HSPG2: variants seen among roughly 807,000 people sequenced by gnomAD.
HSPG2 encodes heparan sulfate proteoglycan 2, also known as basement membrane-specific heparan sulfate proteoglycan core protein.
In HSPG2, 278 loss-of-function variants were observed where a neutral mutation model predicts 526.6. The ratio of observed to expected loss-of-function variants is 0.53; its 90% CI spans 0.48 to 0.58. HSPG2 has a LOEUF of 0.58. Ranked by LOEUF, HSPG2 falls within the 20% of genes least tolerant of loss-of-function variation. The pLI is 0.00. For missense variants in HSPG2, 5,354 were observed against 6,099.5 expected, an observed-to-expected ratio of 0.88 and a Z score of 4.07; for synonymous variants, 2,465 against 2,555.4, an observed-to-expected ratio of 0.96 and a Z score of 1.07.
chr1:21,824,190 C>T lies in HSPG2; in HGVS notation c.12830G>A (p.Ser4277Asn). 5 of 1,613,806 alleles carry T rather than the reference C, an allele frequency of 3.1e-6. No homozygotes were observed. Among genetic ancestry groups the T allele is most frequent in the Non-Finnish European group, 3.4e-6 (4 of 1,180,028 alleles). The change falls in exon 95 of 97, where the codon AGT becomes AAT. Residue 4277 changes from serine (S) to asparagine (N), a missense_variant. Physicochemically the swap from Ser to Asn is conservative, Grantham distance 46. Coordinates refer to ENST00000374695, the MANE Select transcript of HSPG2 (RefSeq NM_005529.7). This position sits in a 1 kb window ranked among gnomAD's most constrained non-coding sequence, Gnocchi z 5.9. ...GHLVFRYQLG[S>N]GEARLVSEDP... is the part of the protein sequence containing the mutation. The stretch of plus-strand genomic sequence containing the variant: ...CTCAGAGACCAGGCGGGCCTCCCCA[C>T]TACCCAGCTGGTACCTGCAGTCATC...
intron 1 of HSPG2, among the ~76,000 whole-genome samples, chr1:21,912,485 A>G (rs1194910937): frequency 1.3e-5 from 2 of 152,136 alleles, no homozygotes; most frequent in Non-Finnish European, 2.9e-5. Context: ...GTACTGTCCA[A>G]GCTGGGAGGG....
chr1:21,909,888 G>A (rs910593199), intron 1 of HSPG2, among the ~76,000 whole-genome samples: 1 of 152,232 alleles, frequency 6.6e-6, no homozygotes, highest in African/African-American at 2.4e-5. Context: ...TGCACAAAGA[G>A]GCACCTTCAG....
Position 21,824,545 on chromosome 1 carries a change from G to A in HSPG2, c.12736C>T (p.Gln4246Ter). 6.2e-7 allele frequency: 1 copy of A among 1,613,514 alleles called. No homozygotes were observed. Among genetic ancestry groups the A allele is most frequent in the Non-Finnish European group, 8.5e-7 (1 of 1,179,992 alleles). The change falls in exon 93 of 97, where the codon CAG (glutamine) becomes TAG (stop). Residue 4246 changes from glutamine (Q) to a stop codon, truncating the protein, a stop_gained. Coordinates refer to ENST00000374695, the MANE Select transcript of HSPG2 (RefSeq NM_005529.7). LOFTEE classifies it high-confidence loss of function. This position sits in a 1 kb window ranked among gnomAD's most constrained non-coding sequence, Gnocchi z 5.9. ...CGGATACCCACACTCACCACACCCT[G>A]CCAGAGCAGGAGGCCACTGGCTGTG... ...TSTASGLLLW[Q>*]GVEVGEAGQG...
Position 21,887,886 on chromosome 1 carries a change from C to G in HSPG2, c.703+52G>C. Reference sequence around the variant, plus strand: ...GGGCTCCAAGACCCAGGTGTAGGACCCTGGCCCTCCCCTGGCACCCAAACC... The same window carrying G: ...GGGCTCCAAGACCCAGGTGTAGGACGCTGGCCCTCCCCTGGCACCCAAACC... On this transcript the variant is annotated intron_variant, in intron 7 of 96. Transcript: ENST00000374695. The surrounding 1 kb of genome is among the most constrained non-coding windows in gnomAD (Gnocchi z 5.0). 6.2e-7 allele frequency: 1 copy of G among 1,612,734 alleles called. No homozygotes were observed. The highest frequency in any genetic ancestry group is 1.1e-5 in the South Asian group (1 of 91,044).
intron 13 of HSPG2, among the ~76,000 whole-genome samples, chr1:21,884,185 C>A (rs1343011540): frequency 6.6e-6 from 1 of 152,154 alleles, no homozygotes; most frequent in Non-Finnish European, 1.5e-5. Flanking sequence ...TTATTCCACA[C>A]CCCCCGACTT....
rs1194268372 is a variant in HSPG2 at position 21,875,071 on chromosome 1, C to T, written c.3303-69G>A. On this transcript the variant is annotated intron_variant, in intron 25 of 96. Coordinates refer to ENST00000374695, the MANE Select transcript of HSPG2 (RefSeq NM_005529.7). ...TGCCAGGCACGCCTGGAGTCCTCCA[C>T]TGGCAGGGTCTTATTAGTCCTCCCG... is the stretch of plus-strand genomic sequence containing the variant. The T allele has an allele frequency of 2.7e-6, 3 of 1,127,486 alleles. No homozygotes were observed. The East Asian group carries it at 7.7e-5, about 29-fold the overall frequency. The allele number at this position is 1,127,486 out of a possible 1,614,324, so 69.8% of individuals were successfully genotyped here.
Position 21,851,575 on chromosome 1 carries a change from G to A in HSPG2, c.7129C>T (p.Arg2377Cys), listed in dbSNP as rs1638898264. The A allele has an allele frequency of 1.9e-6, 3 of 1,613,876 alleles. No homozygotes were observed. Among genetic ancestry groups the A allele is most frequent in the South Asian group, 2.2e-5 (2 of 91,084 alleles). ...TGCCGGACAGGGAGGCTGCCCCCACGCTTGTGCCACGTGACCTGGGCATGG... is the reference window on the plus strand; with the variant it reads ...TGCCGGACAGGGAGGCTGCCCCCACACTTGTGCCACGTGACCTGGGCATGG... ...QSHAQVTWHK[R>C]GGSLPVRHQT... The change falls in exon 55 of 97, where the codon CGT (arginine) becomes TGT (cysteine). Residue 2377 changes from arginine to cysteine, a missense_variant. Arg to Cys is a radical substitution (Grantham distance 180). Transcript: ENST00000374695.
At chr1:21,926,865 G>C (rs1056712989) in intron 1 of HSPG2, among the ~76,000 whole-genome samples, 2 of 151,754 alleles carry the variant, frequency 1.3e-5, no homozygotes, top group African/African-American at 4.8e-5. Context: ...ATCCAGCCCA[G>C]TAAGGGATCC....
intron 28 of HSPG2, 26 bp downstream of exon 28, chr1:21,874,380 C>A: frequency 1.2e-6 from 2 of 1,610,602 alleles, no homozygotes; most frequent in South Asian, 2.2e-5. Context: ...CAGGGAAGGG[C>A]AGGTGCAGGC....
At chr1:21,853,470 G>C (rs1441146059) in intron 50 of HSPG2, 1 of 224,848 alleles carries the variant, frequency 4.4e-6, no homozygotes, top group Non-Finnish European at 8.9e-6. Context: ...CTGGCCAGGC[G>C]CGGTGGCTCA....
In HSPG2 at chr1:21,846,518, A is replaced by G. The variant is rs752237103; in HGVS notation, c.8246T>C (p.Val2749Ala). ...AEGETLDLNC[V>A]VPGQAHAQVT... is the part of the protein sequence containing the mutation. ...CTGGGCATGGGCCTGCCCGGGGACC[A>G]CGCAGTTCAGATCCAGGGTCTCCCC... Residue 2749 changes from valine to alanine, a missense_variant, in exon 63 of 97, where the codon GTG becomes GCG. By Grantham distance (64) the Val-to-Ala change is moderately conservative. Coordinates refer to ENST00000374695, the MANE Select transcript of HSPG2 (RefSeq NM_005529.7). 12 of 1,613,626 alleles carry G rather than the reference A, an allele frequency of 7.4e-6. No individual in the cohort carries two copies. Among genetic ancestry groups the G allele is most frequent in the Non-Finnish European group, 8.5e-6 (10 of 1,180,028 alleles).
At chr1:21,856,747 A>G (rs1639370898) in intron 44 of HSPG2, among the ~76,000 whole-genome samples, 1 of 152,010 alleles carries the variant, frequency 6.6e-6, no homozygotes, top group Non-Finnish European at 1.5e-5. Context: ...CTTTCTCATC[A>G]TTCCTAGCCT....
intron 1 of HSPG2, among the ~76,000 whole-genome samples, chr1:21,919,071 G>A (rs1017634548): frequency 6.6e-6 from 1 of 152,238 alleles, no homozygotes; most frequent in Admixed American, 6.5e-5. Context: ...TGACTTTGGG[G>A]AAATGACCTT....
In HSPG2 at chr1:21,855,667, CG is replaced by C; in HGVS notation, c.5709del (p.Gly1904AlafsTer57). 4 of 1,575,690 alleles carry C rather than the reference CG, an allele frequency of 2.5e-6. No homozygotes were observed. The highest frequency in any genetic ancestry group is 8.6e-7 in the Non-Finnish European group (1 of 1,163,602). ...TGTGCCTTCGCAGGGAGCTGGCCGC[CG>C]GGGCCCCCTGACGAGTAGACGTGGG... ...PTPTLEWTGG[P>X]GGQLPAKAQI... is the part of the protein sequence containing the mutation. On this transcript the variant is annotated frameshift_variant, in exon 46 of 97. Transcript: ENST00000374695. LOFTEE classifies it high-confidence loss of function.
chr1:21,837,619 A>T (rs1377834617), intron 74 of HSPG2, among the ~76,000 whole-genome samples: 1 of 152,036 alleles, frequency 6.6e-6, no homozygotes, highest in Non-Finnish European at 1.5e-5. Flanking sequence ...AGGACAGCAA[A>T]GCCTATTCTG....
In HSPG2 at chr1:21,859,950, G is replaced by T; in HGVS notation, c.5067C>A (p.Pro1689=). Residue 1689 remains proline, a synonymous_variant, in exon 41 of 97, where the codon CCC becomes CCA. Coordinates refer to ENST00000374695, the MANE Select transcript of HSPG2 (RefSeq NM_005529.7). This position sits in a 1 kb window ranked among gnomAD's most constrained non-coding sequence, Gnocchi z 5.3. ...ACCGCAGGGAGTGGGAGCCACCTTG[G>T]GGCACTATGCTTCGAGCAGGATGGA... ...VEVHPARSIV[P]QGGSHSLRCQ... 6.2e-7 allele frequency: 1 copy of T among 1,610,832 alleles called. No individual in the cohort carries two copies. Among genetic ancestry groups the T allele is most frequent in the Non-Finnish European group, 8.5e-7 (1 of 1,179,454 alleles).
rs760562821 is a variant in HSPG2, at chr1:21,885,064, G to A, written c.1304C>T (p.Thr435Ile). Reference protein sequence around the residue: ...TFTCVAIGVPTPIINWRLNWG... With the variant: ...TFTCVAIGVPIPIINWRLNWG... ...GTTGAGCCTCCAATTGATGATGGGG[G>A]TGGGGACGCCAATGGCCACGCAGGT... The change falls in exon 11 of 97, where the codon ACC becomes ATC. Residue 435 changes from threonine (T) to isoleucine (I), a missense_variant. By Grantham distance (89) the Thr-to-Ile change is moderately conservative. Coordinates refer to ENST00000374695, the MANE Select transcript of HSPG2 (RefSeq NM_005529.7). 1.2e-6 allele frequency: 2 copies of A among 1,613,912 alleles called. No homozygotes were observed. The highest frequency in any genetic ancestry group is 1.6e-4 in the Middle Eastern group (1 of 6,062).
chr1:21,907,672 T>C (rs1244593452), intron 1 of HSPG2, among the ~76,000 whole-genome samples: 2 of 152,124 alleles, frequency 1.3e-5, no homozygotes, highest in Admixed American at 6.5e-5. Context: ...TGTACATCAC[T>C]ACATCTGGCT....
intron 1 of HSPG2, among the ~76,000 whole-genome samples, chr1:21,922,507 G>A (rs1367344442): frequency 2.0e-5 from 3 of 152,232 alleles, no homozygotes; most frequent in African/African-American, 7.2e-5. Context: ...GGGCAGTGGA[G>A]GGAGCAGGAG....
Sources: allele counts gnomAD v4.1 joint callset (sites outside exome capture counted in the v4.1 genomes callset), GRCh38; gene constraint gnomAD v4.1.1; non-coding constraint Gnocchi (gnomAD v3.1); transcripts MANE v1.5; gene names NCBI Gene and HGNC (gene_info 2026-07-23, HGNC 2026-07-21).